The following NLGN1 variants were observed in gnomAD, a reference collection of about 807,000 sequenced individuals.
NLGN1 encodes neuroligin 1.
In NLGN1, 12 loss-of-function variants were observed where a neutral mutation model predicts 65.5. That is an observed-to-expected ratio of 0.18 (90% CI 0.12 to 0.30). NLGN1 has a LOEUF of 0.30. Among genes scored for constraint, NLGN1 ranks in the 10% least tolerant of loss-of-function variants. The pLI is 1.00. For missense variants in NLGN1, 750 were observed against 1,007.1 expected (o/e 0.74, Z 3.46); for synonymous variants, 350 against 359.5 (o/e 0.97, Z 0.30).
intron 4 of NLGN1, among the ~76,000 whole-genome samples, chr3:174,077,624 C>G (rs1423412756): frequency 2.0e-5 from 3 of 151,844 alleles, no homozygotes; most frequent in African/African-American, 7.3e-5. Flanking sequence ...GGCATGATCT[C>G]GACTCACTGC....
At chr3:174,114,990 G>C (rs1440442440) in intron 4 of NLGN1, among the ~76,000 whole-genome samples, 8 of 152,160 alleles carry the variant, frequency 5.3e-5, no homozygotes, top group Non-Finnish European at 1.0e-4. Context: ...AATTGGATCA[G>C]AATCTAGATT....
chr3:173,909,033 T>G (rs1346951673), intron 4 of NLGN1, among the ~76,000 whole-genome samples: 2 of 152,100 alleles, frequency 1.3e-5, no homozygotes, highest in East Asian at 1.9e-4. Flanking sequence ...ACCAGTGAGG[T>G]GGAAAAATGG....
chr3:173,894,733 G>A (rs1736032525), intron 4 of NLGN1, among the ~76,000 whole-genome samples: 1 of 150,906 alleles, frequency 6.6e-6, no homozygotes, highest in South Asian at 2.1e-4. Flanking sequence ...TGCCTCCAGG[G>A]TTCAAGTGAT....
chr3:174,145,952 T>C (rs1723141180), intron 4 of NLGN1, among the ~76,000 whole-genome samples: 1 of 152,240 alleles, frequency 6.6e-6, no homozygotes, highest in Non-Finnish European at 1.5e-5. Context: ...CTATTTTACA[T>C]CATGACTAGT....
chr3:173,790,958 A>G (rs1712586914), intron 3 of NLGN1, among the ~76,000 whole-genome samples: 1 of 152,198 alleles, frequency 6.6e-6, no homozygotes, highest in African/African-American at 2.4e-5. Context: ...TTTATGACAC[A>G]GACAAATTAT....
chr3:173,953,030 T>G (rs1449544714), intron 4 of NLGN1, among the ~76,000 whole-genome samples: 1 of 152,108 alleles, frequency 6.6e-6, no homozygotes, highest in Non-Finnish European at 1.5e-5. Context: ...CCACCCACCT[T>G]GGCCTCCCAA....
At chr3:173,892,956 T>G (rs1160562153) in intron 4 of NLGN1, among the ~76,000 whole-genome samples, 1 of 152,210 alleles carries the variant, frequency 6.6e-6, no homozygotes, top group Admixed American at 6.5e-5. Flanking sequence ...TATCTAAAAT[T>G]AATCTGTATT....
chr3:173,396,140 G>A, upstream of NLGN1: 1 of 159,270 alleles, frequency 6.3e-6, no homozygotes. Context: ...TTTCGGAGGC[G>A]ATTGCTCACT....
chr3:173,843,881 A>ATTAGTAGACACTCTAC (rs1306724458), intron 4 of NLGN1, among the ~76,000 whole-genome samples: 9 of 152,176 alleles, frequency 5.9e-5, no homozygotes, highest in African/African-American at 1.9e-4. Flanking sequence ...CCCACTCTAC[A>ATTAGTAGACACTCTAC]AGTATCACAT....
intron 4 of NLGN1, among the ~76,000 whole-genome samples, chr3:174,039,146 G>A (rs1270148983): frequency 6.6e-6 from 1 of 152,022 alleles, no homozygotes; most frequent in African/African-American, 2.4e-5. Context: ...ACTCCCTTAG[G>A]AGTCAGTTAT....
chr3:174,129,554 G>A (rs1038421622), intron 4 of NLGN1, among the ~76,000 whole-genome samples: 1 of 152,122 alleles, frequency 6.6e-6, no homozygotes, highest in Non-Finnish European at 1.5e-5. Context: ...CGACATTTGG[G>A]TTAAGATGGG....
chr3:173,907,908 C>T (rs989577021), intron 4 of NLGN1, among the ~76,000 whole-genome samples: 3 of 151,730 alleles, frequency 2.0e-5, no homozygotes, highest in South Asian at 2.1e-4. Context: ...TTAGTAGAGA[C>T]GGGGTTTCAC....
chr3:174,137,964 A>G (rs1721523240), intron 4 of NLGN1, among the ~76,000 whole-genome samples: 1 of 152,206 alleles, frequency 6.6e-6, no homozygotes, highest in East Asian at 1.9e-4. Context: ...TAACATCATT[A>G]GCATAGAAGA....
intron 3 of NLGN1, among the ~76,000 whole-genome samples, chr3:173,738,336 G>A (rs2150094016): frequency 6.6e-6 from 1 of 152,016 alleles, no homozygotes; most frequent in East Asian, 1.9e-4. Flanking sequence ...CCAAGGTTGT[G>A]AAATTTTACT....
At chr3:173,856,728 A>G (rs1474189858) in intron 4 of NLGN1, among the ~76,000 whole-genome samples, 2 of 152,128 alleles carry the variant, frequency 1.3e-5, no homozygotes, top group African/African-American at 4.8e-5. Context: ...GGAGATTTCT[A>G]AAGAAAATGA....
At chr3:173,674,847 A>G (rs188913885) in intron 3 of NLGN1, among the ~76,000 whole-genome samples, 75 of 152,206 alleles carry the variant, frequency 4.9e-4, no homozygotes, top group Admixed American at 1.3e-3. Flanking sequence ...AAAATAATTC[A>G]GCCTACACTA....
At chr3:173,804,166 T>C (rs971766673) in intron 3 of NLGN1, among the ~76,000 whole-genome samples, 2 of 152,146 alleles carry the variant, frequency 1.3e-5, no homozygotes, top group Non-Finnish European at 2.9e-5. Context: ...CTCCAATTTT[T>C]TTTTTTAACT....
intron 3 of NLGN1, among the ~76,000 whole-genome samples, chr3:173,709,644 A>G (rs1371069716): frequency 6.6e-6 from 1 of 151,874 alleles, no homozygotes; most frequent in Admixed American, 6.6e-5. Flanking sequence ...CCTACTAAAA[A>G]TACAAAAAAT....
intron 3 of NLGN1, among the ~76,000 whole-genome samples, chr3:173,734,594 G>A (rs1051612156): frequency 7.3e-5 from 11 of 151,232 alleles, no homozygotes; most frequent in African/African-American, 1.7e-4. Context: ...GTAGAGATGA[G>A]GTTTCACTAT....
Sources: allele counts gnomAD v4.1 joint callset (sites outside exome capture counted in the v4.1 genomes callset), GRCh38; gene constraint gnomAD v4.1.1; transcripts MANE v1.5; gene names NCBI Gene and HGNC (gene_info 2026-07-23, HGNC 2026-07-21).